The following KMT2C variants were observed in gnomAD, a reference collection of about 807,000 sequenced individuals.
KMT2C encodes the protein histone-lysine N-methyltransferase 2C.
A neutral mutation model predicts 507.9 loss-of-function variants in KMT2C; 88 were observed. That is an observed-to-expected ratio of 0.17 (90% CI 0.15 to 0.21). The LOEUF (loss-of-function observed/expected upper bound fraction) is 0.21, where lower values mean the gene tolerates loss of function less well. Among genes scored for constraint, KMT2C ranks in the 10% least tolerant of loss-of-function variants. The pLI, the probability that KMT2C is intolerant of heterozygous loss-of-function variation, is 1.00. For missense variants in KMT2C, 4,954 were observed against 5,957.8 expected, an observed-to-expected ratio of 0.83 and a Z score of 5.55; for synonymous variants, 2,049 against 2,080.8, an observed-to-expected ratio of 0.98 and a Z score of 0.42.
intron 1 of KMT2C, among the ~76,000 whole-genome samples, chr7:152,371,239 T>C (rs1458256609): frequency 6.6e-6 from 1 of 152,168 alleles, no homozygotes; most frequent in Non-Finnish European, 1.5e-5. Flanking sequence ...ATATACATTA[T>C]GAAATCAATA....
At chr7:152,293,235 G>A (rs2096454499) in intron 6 of KMT2C, among the ~76,000 whole-genome samples, 1 of 152,078 alleles carries the variant, frequency 6.6e-6, no homozygotes, top group African/African-American at 2.4e-5. Context: ...TTCAATAAAT[G>A]GTGTAGTAAC....
chr7:152,383,949 T>C (rs73487331), intron 1 of KMT2C, among the ~76,000 whole-genome samples: 4 of 151,280 alleles, frequency 2.6e-5, no homozygotes, highest in Non-Finnish European at 4.4e-5. Flanking sequence ...CTTTTTTAGA[T>C]GGCCTCCTTT....
rs770369957 is a variant in KMT2C at position 152,135,075 on chromosome 7, G to A, written c.*1757C>T. ...ACAGAACAGAAAACAACAAAAACCC[G>A]GTAGGACAAATACTGGTAGGATGTC... On this transcript the variant is annotated 3_prime_UTR_variant, in exon 59 of 59. Transcript: ENST00000262189. The A allele has an allele frequency of 4.8e-5, 11 of 228,792 alleles. No homozygotes were observed. The highest frequency in any genetic ancestry group is 1.3e-3 in the Middle Eastern group (1 of 762). The allele number at this position is 228,792 out of a possible 1,614,324, so 14.2% of individuals were successfully genotyped here.
chr7:152,333,188 C>T (rs1373518962), intron 2 of KMT2C, among the ~76,000 whole-genome samples: 2 of 152,020 alleles, frequency 1.3e-5, no homozygotes, highest in African/African-American at 2.4e-5. Flanking sequence ...ACTCTGTCGC[C>T]CATGCTGGAG....
At chr7:152,309,552 C>T (rs1292662579) in intron 6 of KMT2C, among the ~76,000 whole-genome samples, 8 of 124,974 alleles carry the variant, frequency 6.4e-5, no homozygotes, top group African/African-American at 2.1e-4. Context: ...CGGAGTCTCT[C>T]TCTGTCACCC....
chr7:152,169,568 T>TA (rs552660707), intron 40 of KMT2C, among the ~76,000 whole-genome samples: 256 of 152,326 alleles, frequency 1.7e-3, no homozygotes, highest in Middle Eastern at 0.014. Flanking sequence ...GAGATCTATA[T>TA]AAAAAATCTC....
intron 23 of KMT2C, among the ~76,000 whole-genome samples, chr7:152,209,175 G>C (rs56227827): frequency 1.4e-5 from 2 of 146,290 alleles, no homozygotes. Context: ...AAAAAAAAAA[G>C]GCCAGGCACG....
chr7:152,247,726 C>A (rs1182348837), intron 14 of KMT2C, among the ~76,000 whole-genome samples, 176 bp downstream of exon 14: 13 of 152,274 alleles, frequency 8.5e-5, no homozygotes, highest in African/African-American at 3.1e-4. Context: ...TAATAAATGG[C>A]ATTCTTCATT....
rs2091131362 is a variant in KMT2C at position 152,146,676 on chromosome 7, G to A, written c.13954C>T (p.Gln4652Ter). 1 of 1,613,850 alleles carries A rather than the reference G, an allele frequency of 6.2e-7. No individual in the cohort carries two copies. The highest frequency in any genetic ancestry group is 8.5e-7 in the Non-Finnish European group (1 of 1,179,796). ...ACVRKKSEML[Q>*]LFPAYLKGED... is the part of the protein sequence containing the mutation. ...CCTTTTAAATACGCTGGGAAAAGCTGGAGCATTTCAGACTTTTTTCTCACA... is the reference window on the plus strand; with the variant it reads ...CCTTTTAAATACGCTGGGAAAAGCTAGAGCATTTCAGACTTTTTTCTCACA... The change falls in exon 53 of 59, where the codon CAG becomes TAG. Residue 4652 changes from glutamine to a stop codon, truncating the protein, a stop_gained. Transcript: ENST00000262189. LOFTEE classifies it high-confidence loss of function.
At chr7:152,370,104 G>C (rs1021707912) in intron 1 of KMT2C, among the ~76,000 whole-genome samples, 1 of 151,862 alleles carries the variant, frequency 6.6e-6, no homozygotes, top group Non-Finnish European at 1.5e-5. Context: ...TGAGGCAGGA[G>C]AATGGCGTGA....
intron 1 of KMT2C, among the ~76,000 whole-genome samples, chr7:152,409,083 A>T (rs946506358): frequency 5.5e-4 from 83 of 151,958 alleles, no homozygotes; most frequent in African/African-American, 1.9e-3. Flanking sequence ...AACTCACTGC[A>T]GTCTTGACCT....
chr7:152,363,535 T>C (rs1474396409), intron 1 of KMT2C, among the ~76,000 whole-genome samples: 1 of 152,124 alleles, frequency 6.6e-6, no homozygotes, highest in Non-Finnish European at 1.5e-5. Context: ...ACAACCTTAT[T>C]ATAAGACACT....
chr7:152,259,455 C>A (rs1588665912), intron 9 of KMT2C, among the ~76,000 whole-genome samples: 1 of 137,926 alleles, frequency 7.3e-6, no homozygotes, highest in South Asian at 2.4e-4. Context: ...CGCACACACA[C>A]ACACACACAC....
intron 43 of KMT2C, among the ~76,000 whole-genome samples, chr7:152,159,911 G>T (rs142712481): frequency 7.2e-4 from 109 of 152,276 alleles, no homozygotes; most frequent in African/African-American, 2.5e-3. Flanking sequence ...TTAGTTTCCA[G>T]TTATATTCTA....
chr7:152,380,363 T>C (rs528684356), intron 1 of KMT2C, among the ~76,000 whole-genome samples: 172 of 151,504 alleles, frequency 1.1e-3, no homozygotes, highest in African/African-American at 3.8e-3. Flanking sequence ...AGGTCAGGAG[T>C]TCAAGGCCAA....
chr7:152,153,731 T>TAAAA (rs34303062), intron 48 of KMT2C, among the ~76,000 whole-genome samples: 1 of 129,442 alleles, frequency 7.7e-6, no homozygotes, highest in Non-Finnish European at 1.7e-5. Flanking sequence ...GTGTCTCTAT[T>TAAAA]AAAAAAAAAA....
chr7:152,325,306 G>A (rs562439245), intron 3 of KMT2C, among the ~76,000 whole-genome samples: 11 of 149,446 alleles, frequency 7.4e-5, no homozygotes, highest in Admixed American at 3.3e-4. Context: ...CCACCACCAC[G>A]CCCAGCTAAT....
chr7:152,341,287 T>G (rs141111591), intron 2 of KMT2C, among the ~76,000 whole-genome samples: 2 of 152,340 alleles, frequency 1.3e-5, no homozygotes, highest in African/African-American at 4.8e-5. Flanking sequence ...ATGTTTGCTT[T>G]TTAAGCCACT....
intron 3 of KMT2C, among the ~76,000 whole-genome samples, chr7:152,330,177 G>GC: frequency 7.8e-6 from 1 of 128,116 alleles, no homozygotes; most frequent in Non-Finnish European, 1.6e-5. Context: ...GGTGGGGGGG[G>GC]GGAGAAAAAG....
Sources: gnomAD v4.1 joint callset for allele counts (sites outside exome capture counted in the v4.1 genomes callset) on GRCh38, gnomAD v4.1.1 for gene constraint, MANE v1.5 for transcripts, NCBI Gene and HGNC (gene_info 2026-07-23, HGNC 2026-07-21) for gene names.